The following MGAT4C variants were observed in gnomAD, a reference collection of about 807,000 sequenced individuals.
MGAT4C encodes the protein alpha-1,3-mannosyl-glycoprotein 4-beta-N-acetylglucosaminyltransferase C.
In MGAT4C, 19 loss-of-function variants were observed where a neutral mutation model predicts 40.1. The observed-to-expected ratio is 0.47, with a 90% CI of 0.33 to 0.70. MGAT4C has a LOEUF of 0.70. Ranked by LOEUF, MGAT4C falls within the 30% of genes least tolerant of loss-of-function variation. The probability of loss-of-function intolerance (pLI) is 0.02; values close to 1 mark genes in which losing one functional copy is unlikely to be tolerated. For synonymous variants in MGAT4C, 181 were observed against 187.1 expected, an observed-to-expected ratio of 0.97 and a Z score of 0.27; for missense variants, 491 against 563.2, an observed-to-expected ratio of 0.87 and a Z score of 1.30.
At chr12:86,742,550 G>A (rs1467540065) in intron 1 of MGAT4C, among the ~76,000 whole-genome samples, 1 of 151,394 alleles carries the variant, frequency 6.6e-6, no homozygotes, top group Non-Finnish European at 1.5e-5. Context: ...CAGATTCCCA[G>A]AATGAATACA....
chr12:86,777,793 A>G (rs998560697), intron 1 of MGAT4C, among the ~76,000 whole-genome samples: 1 of 152,156 alleles, frequency 6.6e-6, no homozygotes, highest in Non-Finnish European at 1.5e-5. Context: ...GCATATTTGG[A>G]ATAGAAGGAT....
intron 3 of MGAT4C, among the ~76,000 whole-genome samples, chr12:86,366,623 G>T (rs1955602668): frequency 6.6e-6 from 1 of 152,110 alleles, no homozygotes; most frequent in Non-Finnish European, 1.5e-5. Context: ...TGCATACTAT[G>T]CTCACTACCC....
rs1054643464 is a variant in MGAT4C at position 86,821,312 on chromosome 12, A to G, written c.-262+17354T>C. 4.6e-5 allele frequency among the ~76,000 whole-genome samples: 7 copies of G among 150,924 alleles called. No homozygotes were observed. The East Asian group carries it at 1.4e-3, about 29-fold the overall frequency. On this transcript the variant is annotated intron_variant, in intron 1 of 7. Transcript: ENST00000548651. ...TAGGTTGCACTGATAAGTGAATGAAAAAAATAGACAAAATATTGAGGACAA... is the reference window on the plus strand; with the variant it reads ...TAGGTTGCACTGATAAGTGAATGAAGAAAATAGACAAAATATTGAGGACAA...
chr12:86,721,362 C>G (rs1565947648), intron 2 of MGAT4C, among the ~76,000 whole-genome samples: 1 of 151,826 alleles, frequency 6.6e-6, no homozygotes, highest in Non-Finnish European at 1.5e-5. Context: ...TTAAGAGAGG[C>G]CCTGCGCACA....
chr12:86,197,710 G>A (rs1024979769), intron 1 of MGAT4C, among the ~76,000 whole-genome samples: 2 of 152,118 alleles, frequency 1.3e-5, no homozygotes, highest in Admixed American at 6.5e-5. Context: ...AGATAGATAC[G>A]TAGATATATA....
At chr12:86,317,586 T>C (rs1350554657) in intron 4 of MGAT4C, among the ~76,000 whole-genome samples, 3 of 152,112 alleles carry the variant, frequency 2.0e-5, no homozygotes, top group South Asian at 2.1e-4. Context: ...GTGACTGGGA[T>C]GGTAGTTTTG....
At chr12:86,207,562 T>C (rs576449286) in intron 1 of MGAT4C, among the ~76,000 whole-genome samples, 3 of 114,424 alleles carry the variant, frequency 2.6e-5, no homozygotes, top group African/African-American at 9.1e-5. Context: ...AATAACACTC[T>C]AATGAAGAAG....
chr12:86,362,660 G>A (rs1298875443), intron 3 of MGAT4C, among the ~76,000 whole-genome samples: 7 of 151,738 alleles, frequency 4.6e-5, no homozygotes, highest in Admixed American at 1.3e-4. Context: ...AGGTCAGATC[G>A]AGACCATCCT....
At chr12:86,355,898 C>T (rs942477520) in intron 3 of MGAT4C, among the ~76,000 whole-genome samples, 2 of 152,002 alleles carry the variant, frequency 1.3e-5, no homozygotes, top group South Asian at 2.1e-4. Context: ...AATTTTATAA[C>T]TTTGCTGTTA....
chr12:86,663,365 AAAAAAAAAAAGAGG>A (rs1964025996), intron 2 of MGAT4C, among the ~76,000 whole-genome samples: 1 of 150,890 alleles, frequency 6.6e-6, no homozygotes, highest in Non-Finnish European at 1.5e-5. Context: ...AAAAAAAAAA[AAAAAAAAAAAGAGG>A]AAATAAAGAA....
At chr12:86,800,033 T>C (rs938142758) in intron 1 of MGAT4C, among the ~76,000 whole-genome samples, 2 of 151,950 alleles carry the variant, frequency 1.3e-5, no homozygotes, top group African/African-American at 4.8e-5. Context: ...CAGTGCCCAT[T>C]TGCCCTCAGA....
At chr12:86,628,042 A>C (rs1279003236) in intron 2 of MGAT4C, among the ~76,000 whole-genome samples, 1 of 152,188 alleles carries the variant, frequency 6.6e-6, no homozygotes, top group Admixed American at 6.5e-5. Flanking sequence ...AGTGTAGAGA[A>C]GACGTTAAAT....
chr12:86,359,699 A>G (rs917097617), intron 3 of MGAT4C, among the ~76,000 whole-genome samples: 1 of 152,228 alleles, frequency 6.6e-6, no homozygotes, highest in African/African-American at 2.4e-5. Context: ...AATACTATAA[A>G]CACGTCTATG....
At chr12:86,474,286 C>T (rs1450682974) in intron 2 of MGAT4C, among the ~76,000 whole-genome samples, 3 of 148,878 alleles carry the variant, frequency 2.0e-5, no homozygotes. Context: ...AAACCAAACA[C>T]CGCATTTTCT....
chr12:86,058,416 A>G (rs1893608021), intron 1 of MGAT4C, among the ~76,000 whole-genome samples: 1 of 152,170 alleles, frequency 6.6e-6, no homozygotes, highest in Non-Finnish European at 1.5e-5. Context: ...TATTATGCTA[A>G]TAGTAAAAAA....
At chr12:86,623,173 T>C (rs1962691399) in intron 2 of MGAT4C, among the ~76,000 whole-genome samples, 1 of 151,942 alleles carries the variant, frequency 6.6e-6, no homozygotes, top group Admixed American at 6.6e-5. Flanking sequence ...TACATATACT[T>C]GAGAAAACAA....
chr12:86,068,735 G>A (rs1041375334), intron 1 of MGAT4C, among the ~76,000 whole-genome samples: 4 of 151,906 alleles, frequency 2.6e-5, no homozygotes, highest in Admixed American at 6.6e-5. Flanking sequence ...GGAGTTATGA[G>A]GCATTCTCTT....
intron 1 of MGAT4C, among the ~76,000 whole-genome samples, chr12:86,059,085 C>A (rs543860149): frequency 1.3e-5 from 2 of 152,234 alleles, no homozygotes; most frequent in South Asian, 4.2e-4. Flanking sequence ...CACTTTGTCT[C>A]CCAGGCTGGT....
intron 1 of MGAT4C, among the ~76,000 whole-genome samples, chr12:86,754,437 A>G (rs1951269195): frequency 6.6e-6 from 1 of 152,038 alleles, no homozygotes; most frequent in Admixed American, 6.6e-5. Flanking sequence ...CATATGGCAA[A>G]ACTAATCAAA....
Sources: gnomAD v4.1 joint callset for allele counts (sites outside exome capture counted in the v4.1 genomes callset) on GRCh38, gnomAD v4.1.1 for gene constraint, MANE v1.5 for transcripts, NCBI Gene and HGNC (gene_info 2026-07-23, HGNC 2026-07-21) for gene names.